OVCH1: variants seen among roughly 807,000 people sequenced by gnomAD.
OVCH1 encodes the protein ovochymase 1, also known as ovochymase-1.
OVCH1 carries 139 observed loss-of-function variants against 138.4 expected under a neutral mutation model. That is an observed-to-expected ratio of 1.00 (90% confidence interval 0.87 to 1.16). The LOEUF (loss-of-function observed/expected upper bound fraction) is 1.16. OVCH1 is among the 50% of genes most tolerant of loss of function. The pLI, the probability that OVCH1 is intolerant of heterozygous loss-of-function variation, is 0.00. For missense variants in OVCH1, 1,367 were observed against 1,357.9 expected (o/e 1.01, Z -0.11); for synonymous variants, 453 against 467.8 (o/e 0.97, Z 0.41).
At chr12:29,464,452 C>T (rs185553817) in intron 18 of OVCH1, 55 bp downstream of exon 18, 344 of 1,554,696 alleles carry the variant, frequency 2.2e-4, no homozygotes, top group Non-Finnish European at 2.8e-4. Flanking sequence ...TTTACATGAC[C>T]TATTTTCAAA....
chr12:29,429,206 A>G (rs963674887), intron 27 of OVCH1, among the ~76,000 whole-genome samples: 7 of 152,242 alleles, frequency 4.6e-5, no homozygotes, highest in Non-Finnish European at 7.3e-5. Context: ...AAAAGTTACC[A>G]TCTAAAAATG....
At chr12:29,444,213 C>G in exon 24 of OVCH1, 1 of 1,612,498 alleles carries the variant, frequency 6.2e-7, no homozygotes, top group Non-Finnish European at 8.5e-7. Flanking sequence ...GAAGAACATC[C>G]TCACAAGGGA....
rs773656036 is a variant in OVCH1 at position 29,464,390 on chromosome 12, GTT to G, written c.2125+115_2125+116del. The G allele has an allele frequency of 5.1e-5, 59 of 1,146,176 alleles. No individual in the cohort carries two copies. In the African/African-American group the frequency reaches 8.6e-4, roughly 17 times the overall value. The allele number at this position is 1,146,176 out of a possible 1,614,324, so 71.0% of individuals were successfully genotyped here. On this transcript the variant is annotated intron_variant, in intron 18 of 27. Transcript: ENST00000318184. Reference sequence around the variant, plus strand: ...ATCTGTTACAGCTAAATAAAACATGGTTTCTATCTTTTAGAAAGAAGAGGGGC... The same window carrying G: ...ATCTGTTACAGCTAAATAAAACATGGTCTATCTTTTAGAAAGAAGAGGGGC...
At chr12:29,482,624 G>T (rs1942969943) in intron 8 of OVCH1, among the ~76,000 whole-genome samples, 1 of 152,120 alleles carries the variant, frequency 6.6e-6, no homozygotes, top group African/African-American at 2.4e-5. Context: ...TTGATTATTT[G>T]GGATACTAAA....
chr12:29,492,593 C>G (rs1943301742), intron 4 of OVCH1, among the ~76,000 whole-genome samples: 1 of 152,006 alleles, frequency 6.6e-6, no homozygotes, highest in African/African-American at 2.4e-5. Flanking sequence ...GGTAGTATTG[C>G]CTGGAACAAG....
chr12:29,440,864 C>A, intron 25 of OVCH1, 120 bp from the exon 26 acceptor site: 3 of 422,814 alleles, frequency 7.1e-6, no homozygotes, highest in South Asian at 3.5e-5. Context: ...GAGGACCCTA[C>A]CTGCATGGAG....
At chr12:29,483,106 T>TC (rs904672986) in intron 8 of OVCH1, among the ~76,000 whole-genome samples, 1 of 152,216 alleles carries the variant, frequency 6.6e-6, no homozygotes, top group Non-Finnish European at 1.5e-5. Flanking sequence ...TCCTCTTCAG[T>TC]CTTCTTTGGA....
chr12:29,476,999 G>A lies in OVCH1; in HGVS notation c.1377+103C>T, dbSNP rs1942759022. The A allele has an allele frequency of 2.3e-6, 3 of 1,301,590 alleles. No homozygotes were observed. In the South Asian group the frequency reaches 5.8e-5, roughly 25 times the overall value. 80.6% of individuals were successfully genotyped at this position (1,301,590 alleles called of 1,614,324 possible). A position where few individuals can be genotyped will look rare whatever the true frequency, so the allele number is the denominator to read the frequency against. On this transcript the variant is annotated intron_variant, in intron 12 of 27. Coordinates refer to ENST00000318184, the Ensembl canonical transcript of OVCH1. ...AAAAAATGGCAAATGGCTAAAAGAAGCTCCTAGTCATAATGGCAATTTAAC... is the reference window on the plus strand; with the variant it reads ...AAAAAATGGCAAATGGCTAAAAGAAACTCCTAGTCATAATGGCAATTTAAC...
chr12:29,454,758 A>G, intron 21 of OVCH1, 83 bp downstream of exon 21: 5 of 1,267,930 alleles, frequency 3.9e-6, no homozygotes, highest in Non-Finnish European at 4.5e-6. Flanking sequence ...TGTTCCATAG[A>G]AAATTTAGCA....
chr12:29,478,865 A>G, exon 9 of OVCH1: 1 of 1,594,346 alleles, frequency 6.3e-7, no homozygotes, highest in Non-Finnish European at 8.5e-7. Flanking sequence ...GATCGTAAAG[A>G]TACATAGTCA....
chr12:29,425,943 A>C (rs1000378693), downstream of OVCH1: 1 of 152,104 alleles, frequency 6.6e-6, no homozygotes, highest in Non-Finnish European at 1.5e-5. Context: ...TGCTCTTTGG[A>C]TGCACTCCAG....
chr12:29,441,093 A>G (rs1941473204), intron 25 of OVCH1, among the ~76,000 whole-genome samples: 1 of 152,166 alleles, frequency 6.6e-6, no homozygotes, highest in Non-Finnish European at 1.5e-5. Flanking sequence ...AGTCCCATAT[A>G]TCCCATGGTG....
At chr12:29,472,184 C>G (rs1942535932) in intron 15 of OVCH1, among the ~76,000 whole-genome samples, 1 of 152,164 alleles carries the variant, frequency 6.6e-6, no homozygotes. Context: ...ATTTTAGGGA[C>G]TGGCCTACAG....
chr12:29,442,250 A>G (rs1443208944), intron 25 of OVCH1, among the ~76,000 whole-genome samples: 4 of 152,098 alleles, frequency 2.6e-5, no homozygotes, highest in African/African-American at 7.2e-5. Context: ...AGACCGGATC[A>G]AGAAAATGTG....
chr12:29,466,266 AT>A (rs1465057039), intron 16 of OVCH1, among the ~76,000 whole-genome samples: 2 of 150,064 alleles, frequency 1.3e-5, no homozygotes, highest in African/African-American at 2.5e-5. Context: ...ATACAAAAAA[AT>A]CATAAGGAAG....
chr12:29,451,718 A>C (rs1435548823), intron 21 of OVCH1, 149 bp from the exon 22 acceptor site: 2 of 618,392 alleles, frequency 3.2e-6, no homozygotes, highest in East Asian at 2.8e-5. Flanking sequence ...TTAGAAAACC[A>C]TTCTATTTAA....
intron 16 of OVCH1, among the ~76,000 whole-genome samples, chr12:29,469,994 A>T (rs994221829): frequency 6.6e-6 from 1 of 152,182 alleles, no homozygotes; most frequent in Non-Finnish European, 1.5e-5. Flanking sequence ...TTTAGTCTGG[A>T]TCGAAAACAA....
At chr12:29,429,841 G>T (rs1398266509) in intron 27 of OVCH1, among the ~76,000 whole-genome samples, 2 of 152,176 alleles carry the variant, frequency 1.3e-5, no homozygotes, top group Non-Finnish European at 2.9e-5. Flanking sequence ...ATGTCTACAA[G>T]TAGGTCATTA....
At chr12:29,431,591 T>C (rs1054449179) in intron 27 of OVCH1, among the ~76,000 whole-genome samples, 1 of 152,230 alleles carries the variant, frequency 6.6e-6, no homozygotes, top group African/African-American at 2.4e-5. Context: ...ATTGTGACCA[T>C]TTTTCCATGC....
Sources: gnomAD v4.1 joint callset for allele counts (sites outside exome capture counted in the v4.1 genomes callset) on GRCh38, gnomAD v4.1.1 for gene constraint, MANE v1.5 for transcripts, NCBI Gene and HGNC (gene_info 2026-07-23, HGNC 2026-07-21) for gene names.